Variants in DMXL1 observed in about 807,000 individuals in gnomAD.
DMXL1 encodes Dmx like 1, also known as dmX-like protein 1.
DMXL1 carries 99 observed loss-of-function variants against 319.2 expected under a neutral mutation model. That is an observed-to-expected ratio of 0.31 (90% CI 0.26 to 0.37). The LOEUF is 0.37. Ranked by LOEUF, DMXL1 falls within the 10% of genes least tolerant of loss-of-function variation. The pLI is 1.00. For missense variants in DMXL1, 3,745 were observed against 3,595.6 expected, an observed-to-expected ratio of 1.04 and a Z score of -1.06; for synonymous variants, 1,385 against 1,235.2, an observed-to-expected ratio of 1.12 and a Z score of -2.54.
intron 9 of DMXL1, chr5:119,127,088 T>A: frequency 6.1e-6 from 1 of 164,370 alleles, no homozygotes; most frequent in South Asian, 1.9e-4. Context: ...TGCCCTTTAT[T>A]CTTGTTGTTT....
chr5:119,224,877 T>A, intron 38 of DMXL1, 108 bp downstream of exon 38: 1 of 452,054 alleles, frequency 2.2e-6, no homozygotes, highest in Non-Finnish European at 3.9e-6. Flanking sequence ...TTGAAAGCAT[T>A]TATTTGACTT....
chr5:119,192,207 A>T (rs1417395007), intron 29 of DMXL1, among the ~76,000 whole-genome samples: 2 of 152,188 alleles, frequency 1.3e-5, no homozygotes, highest in Admixed American at 1.3e-4. Flanking sequence ...AAAGTTACAG[A>T]TCAATTACAT....
At chr5:119,080,632 G>C (rs900184570) in intron 1 of DMXL1, among the ~76,000 whole-genome samples, 1 of 152,168 alleles carries the variant, frequency 6.6e-6, no homozygotes, top group African/African-American at 2.4e-5. Context: ...CAGTTACTCT[G>C]TTGAAATAGC....
At chr5:119,178,569 T>C (rs1776253246) in intron 28 of DMXL1, 3 of 977,790 alleles carry the variant, frequency 3.1e-6, no homozygotes, top group African/African-American at 1.8e-5. Context: ...CTTCTTTCTT[T>C]GGCAGGAAGG....
chr5:119,134,980 C>G (rs1765681378), intron 13 of DMXL1, among the ~76,000 whole-genome samples: 1 of 152,214 alleles, frequency 6.6e-6, no homozygotes, highest in African/African-American at 2.4e-5. Flanking sequence ...ACCAAGCTTT[C>G]TATTTAGGAG....
intron 34 of DMXL1, among the ~76,000 whole-genome samples, chr5:119,207,549 C>T (rs771905065): frequency 2.6e-5 from 4 of 152,078 alleles, no homozygotes; most frequent in African/African-American, 4.8e-5. Flanking sequence ...GACGGAGTTT[C>T]GCTCTTTTGC....
chr5:119,139,979 C>T (rs1766938490), intron 13 of DMXL1, among the ~76,000 whole-genome samples: 1 of 152,146 alleles, frequency 6.6e-6, no homozygotes, highest in African/African-American at 2.4e-5. Context: ...TAGCTTAAAC[C>T]AGTCAATTAC....
At chr5:119,081,480 C>A in intron 1 of DMXL1, 1 of 760,858 alleles carries the variant, frequency 1.3e-6, no homozygotes, top group Non-Finnish European at 1.6e-6. Context: ...TGTGTAAAAA[C>A]TGCTTGAGAA....
At position 119,217,029 on chromosome 5, in the gene DMXL1, T is replaced by C. The variant is rs145140965; in HGVS notation, c.8013+42T>C. The stretch of plus-strand genomic sequence containing the variant: ...TCTTCTTTTGTTTATTAAGTATTTA[T>C]AGTTGGATAATATCTTCTGTTTTAT... On this transcript the variant is annotated intron_variant, in intron 35 of 43. Coordinates refer to ENST00000539542, the MANE Select transcript of DMXL1 (RefSeq NM_001290321.3). The C allele has an allele frequency of 3.0e-4, 342 of 1,152,186 alleles. 1 individual carries two copies. In the Middle Eastern group the frequency reaches 4.1e-3, roughly 14 times the overall value. 71.4% of individuals were successfully genotyped at this position (1,152,186 alleles called of 1,614,324 possible).
intron 1 of DMXL1, among the ~76,000 whole-genome samples, chr5:119,086,038 C>G (rs983497200): frequency 6.6e-6 from 1 of 151,914 alleles, no homozygotes; most frequent in African/African-American, 2.4e-5. Flanking sequence ...AAAGACATAC[C>G]CAAGACTGAG....
Position 119,150,196 on chromosome 5 carries a change from C to T in DMXL1, c.4369C>T (p.His1457Tyr), listed in dbSNP as rs1186945275. ...GACTCAACTTCTAATGACTGATACTCATATGTTAGAGACAGATGAAGAAAA... is the reference window on the plus strand; with the variant it reads ...GACTCAACTTCTAATGACTGATACTTATATGTTAGAGACAGATGAAGAAAA... Reference protein sequence around the residue: ...FQTQLLMTDTHMLETDEENTK... With the variant: ...FQTQLLMTDTYMLETDEENTK... Residue 1457 changes from histidine to tyrosine, a missense_variant, in exon 18 of 44, where the codon CAT becomes TAT. Physicochemically the swap from His to Tyr is moderately conservative, Grantham distance 83. This residue lies in a region of DMXL1 where 2,096 missense variants were observed against 1,985.4 expected (regional missense o/e 1.06). Transcript: ENST00000539542. The T allele has an allele frequency of 6.2e-7, 1 of 1,613,574 alleles. No individual in the cohort carries two copies. The highest frequency in any genetic ancestry group is 1.7e-5 in the Admixed American group (1 of 59,928).
In DMXL1 at chr5:119,071,676, G is replaced by A. The variant is rs546029256; in HGVS notation, c.87+20G>A. 2 of 1,567,236 alleles carry A rather than the reference G, an allele frequency of 1.3e-6. No individual in the cohort carries two copies. The highest frequency in any genetic ancestry group is 1.9e-5 in the Admixed American group (1 of 53,782). On this transcript the variant is annotated intron_variant, in intron 1 of 43. Transcript: ENST00000539542. Reference sequence around the variant, plus strand: ...TTCACGGTGAGTGAGGGAGGCCCTCGCGTCGCCCGTGGCCCGGCCTTTGCC... The same window carrying A: ...TTCACGGTGAGTGAGGGAGGCCCTCACGTCGCCCGTGGCCCGGCCTTTGCC...
chr5:119,182,179 CA>C (rs1397685081), intron 28 of DMXL1, among the ~76,000 whole-genome samples: 1 of 151,984 alleles, frequency 6.6e-6, no homozygotes, highest in Non-Finnish European at 1.5e-5. Context: ...CATTGTTGAC[CA>C]AGGGAATAAA....
intron 1 of DMXL1, among the ~76,000 whole-genome samples, chr5:119,073,715 G>C (rs897549003): frequency 6.6e-6 from 1 of 152,024 alleles, no homozygotes; most frequent in African/African-American, 2.4e-5. Context: ...AGAGAGTTCA[G>C]CTCTCTTTAG....
At chr5:119,100,680 T>C (rs1174869811) in intron 2 of DMXL1, 4 of 152,028 alleles carry the variant, frequency 2.6e-5, no homozygotes, top group African/African-American at 4.8e-5. Flanking sequence ...AGGTACACTA[T>C]TGTGTTATAA....
chr5:119,238,959 A>G (rs577914097), intron 40 of DMXL1, 30 bp from the exon 41 acceptor site: 1 of 1,612,284 alleles, frequency 6.2e-7, no homozygotes, highest in Admixed American at 1.7e-5. Flanking sequence ...TAGTGAGAGG[A>G]GTAACACGTA....
At position 119,149,782 on chromosome 5, in the gene DMXL1, T is replaced by A. The variant is rs758946355; in HGVS notation, c.3955T>A (p.Ser1319Thr). The change falls in exon 18 of 44, where the codon TCC becomes ACC. Residue 1319 changes from serine (S) to threonine (T), a missense_variant. Ser to Thr is a moderately conservative substitution (Grantham distance 58, BLOSUM62 1). Transcript: ENST00000539542. ...TCTTTTTGAAGCAGCTCATGTACTT[T>A]CCCCGACTCTACCTCAGTATCATCC... is the stretch of plus-strand genomic sequence containing the variant. ...SGLFEAAHVL[S>T]PTLPQYHPLQ... The A allele has an allele frequency of 6.2e-7, 1 of 1,613,918 alleles. No homozygotes were observed.
chr5:119,163,346 A>G (rs1340477813), intron 19 of DMXL1, among the ~76,000 whole-genome samples: 1 of 152,200 alleles, frequency 6.6e-6, no homozygotes, highest in Non-Finnish European at 1.5e-5. Flanking sequence ...GCCTTTTTTG[A>G]TGGCAGAAAC....
chr5:119,117,837 G>C (rs749377439), intron 7 of DMXL1, among the ~76,000 whole-genome samples: 3 of 152,096 alleles, frequency 2.0e-5, no homozygotes, highest in Non-Finnish European at 4.4e-5. Flanking sequence ...TAGTCAGTTA[G>C]GTAAGTTTAA....
Sources: gnomAD v4.1 joint callset for allele counts (sites outside exome capture counted in the v4.1 genomes callset) on GRCh38, gnomAD v4.1.1 for gene constraint, gnomAD v4.1.1 regional missense constraint, MANE v1.5 for transcripts, NCBI Gene and HGNC (gene_info 2026-07-23, HGNC 2026-07-21) for gene names.